Variants in RNF216 observed in about 807,000 individuals in gnomAD.
RNF216 encodes ring finger protein 216.
Under a neutral mutation model 110.8 loss-of-function variants are expected in RNF216, and 72 were observed. The observed-to-expected ratio is 0.65, with a 90% CI of 0.54 to 0.79. The LOEUF (loss-of-function observed/expected upper bound fraction) is 0.79. Among genes scored for constraint, RNF216 ranks in the 30% least tolerant of loss-of-function variants. The pLI, the probability that RNF216 is intolerant of heterozygous loss-of-function variation, is 0.00. For synonymous variants in RNF216, 495 were observed against 407.5 expected, an observed-to-expected ratio of 1.21 and a Z score of -2.59; for missense variants, 1,342 against 1,141.2, an observed-to-expected ratio of 1.18 and a Z score of -2.54.
chr7:5,717,692 G>A (rs1443017827), intron 9 of RNF216, among the ~76,000 whole-genome samples: 1 of 152,204 alleles, frequency 6.6e-6, no homozygotes, highest in Non-Finnish European at 1.5e-5. Flanking sequence ...AAAGGAAAGA[G>A]AAAAATCCCT....
chr7:5,623,763 C>A (rs1786536401), intron 16 of RNF216, among the ~76,000 whole-genome samples: 1 of 152,200 alleles, frequency 6.6e-6, no homozygotes, highest in South Asian at 2.1e-4. Context: ...GAAGGATCAG[C>A]TGGGTCTACT....
intron 6 of RNF216, 147 bp from the exon 7 acceptor site, chr7:5,729,743 A>T: frequency 1.4e-6 from 1 of 702,968 alleles, no homozygotes; most frequent in Non-Finnish European, 2.3e-6. Context: ...AAGACAGATG[A>T]GAAAACGGTG....
At chr7:5,635,249 T>G (rs111830472) in intron 15 of RNF216, among the ~76,000 whole-genome samples, 1 of 152,076 alleles carries the variant, frequency 6.6e-6, no homozygotes. Flanking sequence ...GAGGTCAGTT[T>G]TGATGACAGA....
chr7:5,755,465 G>A (rs529347895), intron 2 of RNF216, among the ~76,000 whole-genome samples: 6 of 152,330 alleles, frequency 3.9e-5, no homozygotes, highest in African/African-American at 7.2e-5. Context: ...CACAAGGTCA[G>A]GAAATATTTC....
chr7:5,644,745 T>C (rs1477148487), intron 14 of RNF216, among the ~76,000 whole-genome samples: 1 of 152,156 alleles, frequency 6.6e-6, no homozygotes, highest in African/African-American at 2.4e-5. Flanking sequence ...GCTTAAGCTA[T>C]CTGCCCGACC....
chr7:5,686,922 C>A (rs1417977587), intron 13 of RNF216, among the ~76,000 whole-genome samples: 1 of 152,202 alleles, frequency 6.6e-6, no homozygotes, highest in Non-Finnish European at 1.5e-5. Context: ...TGACAGGAGG[C>A]AGAGCTCAGG....
intron 16 of RNF216, 150 bp downstream of exon 16, chr7:5,623,906 C>T (rs1426373366): frequency 4.3e-5 from 27 of 629,572 alleles, no homozygotes; most frequent in African/African-American, 2.6e-4. Context: ...GATGTGGCCG[C>T]GTGGGTGAAG....
chr7:5,643,723 A>G (rs995596589), intron 14 of RNF216, among the ~76,000 whole-genome samples: 10 of 152,214 alleles, frequency 6.6e-5, no homozygotes, highest in African/African-American at 1.4e-4. Flanking sequence ...AACGTATACA[A>G]TTCAGGGATA....
intron 8 of RNF216, 118 bp from the exon 9 acceptor site, chr7:5,721,290 G>A (rs1793410291): frequency 1.1e-6 from 1 of 890,672 alleles, no homozygotes; most frequent in Admixed American, 2.4e-5. Flanking sequence ...TACGTTTCAT[G>A]ACTTTTCTAT....
intron 5 of RNF216, among the ~76,000 whole-genome samples, chr7:5,739,023 G>T (rs1051329709): frequency 6.6e-6 from 1 of 152,162 alleles, no homozygotes; most frequent in Non-Finnish European, 1.5e-5. Flanking sequence ...AATCCATATA[G>T]AAAGAAAGTA....
In RNF216 at chr7:5,741,116, C is replaced by T. The variant is rs930114993; in HGVS notation, c.901G>A (p.Asp301Asn). Residue 301 changes from aspartate to asparagine, a missense_variant, in exon 4 of 17, where the codon GAC (aspartate) becomes AAC (asparagine). Coordinates refer to ENST00000389902, the MANE Select transcript of RNF216 (RefSeq NM_207111.4). ...QPAHPLGEFEDQQLASDDEEP... is the reference protein window; with the variant it reads ...QPAHPLGEFENQQLASDDEEP... Reference sequence around the variant, plus strand: ...TCATCATCACTTGCTAACTGCTGGTCTTCAAACTCTCCTAGAGGATGGGCA... The same window carrying T: ...TCATCATCACTTGCTAACTGCTGGTTTTCAAACTCTCCTAGAGGATGGGCA... 6.2e-7 allele frequency: 1 copy of T among 1,614,002 alleles called. No individual in the cohort carries two copies. Among genetic ancestry groups the T allele is most frequent in the African/African-American group, 1.3e-5 (1 of 74,894 alleles).
At chr7:5,746,899 C>T (rs950613592) in intron 3 of RNF216, among the ~76,000 whole-genome samples, 3 of 152,084 alleles carry the variant, frequency 2.0e-5, no homozygotes, top group Non-Finnish European at 2.9e-5. Context: ...ACGGAGAGAA[C>T]GAGATTCTTA....
chr7:5,661,439 C>T (rs1409926870), intron 13 of RNF216, among the ~76,000 whole-genome samples: 4 of 152,206 alleles, frequency 2.6e-5, no homozygotes, highest in Non-Finnish European at 4.4e-5. Flanking sequence ...ACAAAGGGTG[C>T]TTTGCATACA....
chr7:5,724,272 C>G (rs1793618198), intron 8 of RNF216, among the ~76,000 whole-genome samples: 1 of 152,188 alleles, frequency 6.6e-6, no homozygotes, highest in Non-Finnish European at 1.5e-5. Flanking sequence ...GTCAGAATCT[C>G]TCTCCACAGC....
At chr7:5,635,383 A>T (rs1027185940) in intron 15 of RNF216, among the ~76,000 whole-genome samples, 1 of 151,964 alleles carries the variant, frequency 6.6e-6, no homozygotes, top group African/African-American at 2.4e-5. Flanking sequence ...GTGATGGGAC[A>T]ATCTGGGGGC....
chr7:5,712,928 C>A, intron 11 of RNF216, 65 bp from the exon 12 acceptor site: 1 of 1,453,940 alleles, frequency 6.9e-7, no homozygotes. Context: ...TAAAAAGCGT[C>A]AGTGGTTAAA....
chr7:5,737,009 C>T (rs1261385438), intron 5 of RNF216, among the ~76,000 whole-genome samples: 1 of 152,252 alleles, frequency 6.6e-6, no homozygotes, highest in Non-Finnish European at 1.5e-5. Flanking sequence ...GGCCGCCACC[C>T]CGTCTGGGAG....
intron 13 of RNF216, among the ~76,000 whole-genome samples, chr7:5,661,579 G>C (rs935786757): frequency 6.6e-6 from 1 of 152,118 alleles, no homozygotes; most frequent in Non-Finnish European, 1.5e-5. Context: ...GAGTAGGGTG[G>C]ATCACTTAAG....
At position 5,624,427 on chromosome 7, in the gene RNF216, C is replaced by T. The variant is rs1053242034; in HGVS notation, c.2383-302G>A. The stretch of plus-strand genomic sequence containing the variant: ...GGGCCTCCATGCACTGAGCTGCGTG[C>T]AAGTGGTGGATATGAGAAGGGTTTG... On this transcript the variant is annotated intron_variant, in intron 15 of 16. Coordinates refer to ENST00000389902, the MANE Select transcript of RNF216 (RefSeq NM_207111.4). The surrounding 1 kb of genome is among the most constrained non-coding windows in gnomAD (Gnocchi z 4.4). 6.6e-6 allele frequency among the ~76,000 whole-genome samples: 1 copy of T among 152,208 alleles called. No individual in the cohort carries two copies. The highest frequency in any genetic ancestry group is 2.1e-4 in the South Asian group (1 of 4,830).
Sources: gnomAD v4.1 joint callset for allele counts (sites outside exome capture counted in the v4.1 genomes callset) on GRCh38, gnomAD v4.1.1 for gene constraint, Gnocchi (gnomAD v3.1) non-coding constraint, MANE v1.5 for transcripts, NCBI Gene and HGNC (gene_info 2026-07-23, HGNC 2026-07-21) for gene names.